Variants in DTNB observed in about 807,000 individuals in gnomAD.
DTNB encodes dystrobrevin beta, also known as DTN-B.
DTNB carries 63 observed loss-of-function variants against 90.7 expected under a neutral mutation model. The ratio of observed to expected loss-of-function variants is 0.69; its 90% confidence interval spans 0.57 to 0.86. DTNB has a LOEUF of 0.86. DTNB is among the 40% of genes least tolerant of loss of function. The pLI, the probability that DTNB is intolerant of heterozygous loss-of-function variation, is 0.00. For synonymous variants in DTNB, 277 were observed against 286.7 expected, an observed-to-expected ratio of 0.97 and a Z score of 0.34; for missense variants, 744 against 807.1, an observed-to-expected ratio of 0.92 and a Z score of 0.95.
At chr2:25,589,850 G>A (rs901572091) in intron 6 of DTNB, among the ~76,000 whole-genome samples, 2 of 152,142 alleles carry the variant, frequency 1.3e-5, no homozygotes, top group African/African-American at 4.8e-5. Context: ...CCACCCACTC[G>A]GCCTGGCAGG....
chr2:25,434,292 T>C (rs1256167970), intron 12 of DTNB, among the ~76,000 whole-genome samples: 2 of 152,104 alleles, frequency 1.3e-5, no homozygotes, highest in Non-Finnish European at 2.9e-5. Flanking sequence ...TTTCTGTCTA[T>C]AGTTCTGCCT....
chr2:25,626,221 G>A (rs865959104), intron 4 of DTNB, among the ~76,000 whole-genome samples: 1 of 152,092 alleles, frequency 6.6e-6, no homozygotes, highest in Non-Finnish European at 1.5e-5. Context: ...TTTAATTTCT[G>A]ACTTTAAAAA....
At chr2:25,526,388 TATA>T (rs1182128595) in intron 9 of DTNB, among the ~76,000 whole-genome samples, 2,833 of 61,666 alleles carry the variant, frequency 0.046, 59 homozygotes, top group East Asian at 0.099. Context: ...TATATATATA[TATA>T]TATATTTTTT....
At chr2:25,667,986 T>A (rs2084893508) in intron 1 of DTNB, among the ~76,000 whole-genome samples, 2 of 152,166 alleles carry the variant, frequency 1.3e-5, no homozygotes, top group African/African-American at 2.4e-5. Context: ...ACGCATGTAA[T>A]CCCAGCACTT....
intron 16 of DTNB, chr2:25,419,154 G>T: frequency 3.4e-6 from 1 of 291,314 alleles, no homozygotes; most frequent in East Asian, 6.4e-5. Context: ...TTCATGACAT[G>T]AGGTCACCCC....
intron 6 of DTNB, 72 bp downstream of exon 6, chr2:25,596,014 G>C: frequency 7.2e-7 from 1 of 1,379,594 alleles, no homozygotes. Context: ...AAGCAATCTG[G>C]CAAAATCTGT....
intron 8 of DTNB, among the ~76,000 whole-genome samples, chr2:25,532,068 G>A (rs766945842): frequency 2.6e-5 from 4 of 152,040 alleles, no homozygotes; most frequent in African/African-American, 7.2e-5. Flanking sequence ...CCAACATGTT[G>A]AAACCATGTC....
At chr2:25,638,480 T>C (rs1392754130) in intron 3 of DTNB, among the ~76,000 whole-genome samples, 2 of 152,198 alleles carry the variant, frequency 1.3e-5, no homozygotes, top group Admixed American at 1.3e-4. Flanking sequence ...AATAATTCTG[T>C]CACGAGCTAG....
chr2:25,619,287 C>T (rs1573517414), intron 4 of DTNB, among the ~76,000 whole-genome samples: 1 of 151,956 alleles, frequency 6.6e-6, no homozygotes, highest in East Asian at 1.9e-4. Context: ...ATTACCAGTC[C>T]GATTATCATA....
At chr2:25,390,185 C>T (rs1171325269) in intron 16 of DTNB, among the ~76,000 whole-genome samples, 1 of 152,152 alleles carries the variant, frequency 6.6e-6, no homozygotes, top group South Asian at 2.1e-4. Flanking sequence ...TTGTACTGCT[C>T]ATATCACTTT....
chr2:25,423,825 A>G (rs1255261728), intron 15 of DTNB, among the ~76,000 whole-genome samples: 5 of 152,034 alleles, frequency 3.3e-5, no homozygotes, highest in Non-Finnish European at 7.4e-5. Context: ...ACGCTCAGGT[A>G]ACTTTTGTAT....
At chr2:25,420,262 CTTTT>C (rs56815083) in intron 15 of DTNB, among the ~76,000 whole-genome samples, 11 of 63,908 alleles carry the variant, frequency 1.7e-4, no homozygotes, top group African/African-American at 5.0e-4. Context: ...CAGGCACAGT[CTTTT>C]TTTTTTTTTT....
At chr2:25,444,542 A>C (rs2150073506) in intron 12 of DTNB, among the ~76,000 whole-genome samples, 1 of 152,066 alleles carries the variant, frequency 6.6e-6, no homozygotes, top group East Asian at 1.9e-4. Context: ...CTCAAAAAAA[A>C]AAAAAAAAAG....
chr2:25,476,922 C>T (rs763196123), intron 10 of DTNB, among the ~76,000 whole-genome samples: 72 of 152,172 alleles, frequency 4.7e-4, no homozygotes, highest in Admixed American at 9.2e-4. Context: ...TGCTATCAAA[C>T]AGCATCACAT....
chr2:25,626,281 CTGAG>C (rs2074134328), intron 4 of DTNB, among the ~76,000 whole-genome samples: 1 of 152,162 alleles, frequency 6.6e-6, no homozygotes, highest in Non-Finnish European at 1.5e-5. Context: ...AATTGGTTTA[CTGAG>C]TGAGTCAGTG....
chr2:25,510,859 G>A (rs1300680248), intron 9 of DTNB, among the ~76,000 whole-genome samples: 1 of 152,134 alleles, frequency 6.6e-6, no homozygotes, highest in Non-Finnish European at 1.5e-5. Flanking sequence ...AGGTTTCTGG[G>A]AGCACCACCC....
chr2:25,520,104 C>CT (rs761711362), intron 9 of DTNB, among the ~76,000 whole-genome samples: 6 of 152,122 alleles, frequency 3.9e-5, no homozygotes, highest in Non-Finnish European at 7.4e-5. Flanking sequence ...AAGTTGTAGG[C>CT]TAGGGGCAGT....
At chr2:25,573,178 C>T (rs1195154886) in intron 8 of DTNB, among the ~76,000 whole-genome samples, 2 of 152,240 alleles carry the variant, frequency 1.3e-5, no homozygotes, top group East Asian at 3.9e-4. Context: ...AACTCCTGAC[C>T]TCAGATATCT....
chr2:25,378,486 G>A (rs1017437597), intron 20 of DTNB, among the ~76,000 whole-genome samples: 3 of 152,080 alleles, frequency 2.0e-5, no homozygotes, highest in Middle Eastern at 3.4e-3. Context: ...GACTTGGGAG[G>A]GTCTGAAAAA....
Sources: allele counts gnomAD v4.1 joint callset (sites outside exome capture counted in the v4.1 genomes callset), GRCh38; gene constraint gnomAD v4.1.1; transcripts MANE v1.5; gene names NCBI Gene and HGNC (gene_info 2026-07-23, HGNC 2026-07-21).